Variants in LRRTM4 observed in about 807,000 individuals in gnomAD.
LRRTM4 encodes the protein leucine-rich repeat transmembrane neuronal protein 4.
LRRTM4 carries 25 observed loss-of-function variants against 47.6 expected under a neutral mutation model. The observed-to-expected ratio is 0.53, with a 90% CI of 0.38 to 0.73. The LOEUF is 0.73. Among genes scored for constraint, LRRTM4 ranks in the 30% least tolerant of loss-of-function variants. LRRTM4 has a pLI of 0.00. For synonymous variants in LRRTM4, 311 were observed against 269.5 expected, an observed-to-expected ratio of 1.15 and a Z score of -1.51; for missense variants, 638 against 713.4, an observed-to-expected ratio of 0.89 and a Z score of 1.20.
At chr2:76,914,479 A>T (rs1432959343) in intron 3 of LRRTM4, among the ~76,000 whole-genome samples, 4 of 152,092 alleles carry the variant, frequency 2.6e-5, no homozygotes, top group Admixed American at 2.6e-4. Flanking sequence ...GATGATTTGA[A>T]TGAGTGCATA....
At chr2:76,889,426 G>A (rs964130941) in intron 3 of LRRTM4, among the ~76,000 whole-genome samples, 7 of 151,852 alleles carry the variant, frequency 4.6e-5, no homozygotes, top group South Asian at 2.1e-4. Context: ...TATGTCTTTC[G>A]TTTTCAATGG....
At chr2:76,844,887 GA>G (rs1351344477) in intron 3 of LRRTM4, among the ~76,000 whole-genome samples, 3 of 151,930 alleles carry the variant, frequency 2.0e-5, no homozygotes, top group Non-Finnish European at 4.4e-5. Flanking sequence ...TTCATTTTGA[GA>G]AATGAAAAAA....
At chr2:77,461,695 A>G (rs375714464) in intron 3 of LRRTM4, among the ~76,000 whole-genome samples, 1 of 152,104 alleles carries the variant, frequency 6.6e-6, no homozygotes, top group Non-Finnish European at 1.5e-5. Flanking sequence ...ACTTCTTCAC[A>G]GTTAATTGAA....
At chr2:77,089,052 C>T (rs989911653) in intron 3 of LRRTM4, among the ~76,000 whole-genome samples, 1 of 152,200 alleles carries the variant, frequency 6.6e-6, no homozygotes, top group Admixed American at 6.5e-5. Flanking sequence ...TGCAGGGACA[C>T]CTCTCTGATT....
intron 3 of LRRTM4, among the ~76,000 whole-genome samples, chr2:77,412,256 A>G (rs1021483076): frequency 6.6e-6 from 1 of 152,234 alleles, no homozygotes; most frequent in African/African-American, 2.4e-5. Flanking sequence ...TCGCAGTACA[A>G]TCAAGATTCT....
Position 77,518,747 on chromosome 2 carries a change from C to A in LRRTM4, c.1122G>T (p.Val374=), listed in dbSNP as rs560681114. 78 of 1,613,370 alleles carry A rather than the reference C, an allele frequency of 4.8e-5. 3 individuals carry two copies. The South Asian group carries it at 7.6e-4, about 16-fold the overall frequency. Residue 374 remains valine (V), a synonymous_variant, in exon 3 of 4, where the codon GTG becomes GTT. Coordinates refer to ENST00000409884, the MANE Select transcript of LRRTM4 (RefSeq NM_001134745.3). ...QVVNTERSHL[V]PQTPQKPLII... ...TCAGAGGTTTCTGGGGAGTTTGGGG[C>A]ACCAGGTGTGATCTTTCTGTGTTGA...
chr2:76,941,938 A>T (rs1022779656), intron 3 of LRRTM4, among the ~76,000 whole-genome samples: 1 of 152,176 alleles, frequency 6.6e-6, no homozygotes, highest in Non-Finnish European at 1.5e-5. Context: ...AACAGTGTAA[A>T]ATCATTACTA....
intron 3 of LRRTM4, among the ~76,000 whole-genome samples, chr2:76,780,353 T>C (rs1573089893): frequency 6.6e-6 from 1 of 152,202 alleles, no homozygotes; most frequent in Admixed American, 6.5e-5. Context: ...TCCTGCAGAG[T>C]GTTTTCCAAC....
chr2:77,500,868 G>A (rs948950716), intron 3 of LRRTM4, among the ~76,000 whole-genome samples: 1 of 151,352 alleles, frequency 6.6e-6, no homozygotes, highest in African/African-American at 2.4e-5. Flanking sequence ...TTTATTTACT[G>A]TAATGAGAAA....
At chr2:76,779,910 TTTCCATGTTTAGTGC>T (rs1358608371) in intron 3 of LRRTM4, among the ~76,000 whole-genome samples, 1 of 152,016 alleles carries the variant, frequency 6.6e-6, no homozygotes, top group Non-Finnish European at 1.5e-5. Context: ...CGGTTGTTCC[TTTCCATGTTTAGTGC>T]TTCCTTCAGG....
intron 3 of LRRTM4, chr2:77,517,834 A>C (rs1679274389): frequency 7.1e-6 from 7 of 986,124 alleles, no homozygotes; most frequent in Non-Finnish European, 8.4e-6. Context: ...ATTAAAACTA[A>C]AAATTTACAA....
At chr2:77,244,501 GA>G (rs376135510) in intron 3 of LRRTM4, among the ~76,000 whole-genome samples, 8 of 151,938 alleles carry the variant, frequency 5.3e-5, no homozygotes, top group Admixed American at 4.6e-4. Flanking sequence ...AGAAGAATGG[GA>G]AAAAAATGTT....
chr2:77,034,101 T>C (rs1678756712), intron 3 of LRRTM4, among the ~76,000 whole-genome samples: 1 of 151,736 alleles, frequency 6.6e-6, no homozygotes, highest in Non-Finnish European at 1.5e-5. Context: ...AATCTTAAAA[T>C]AGCATATAAT....
intron 3 of LRRTM4, among the ~76,000 whole-genome samples, chr2:77,314,742 A>C (rs1414098970): frequency 6.6e-6 from 1 of 152,190 alleles, no homozygotes; most frequent in Non-Finnish European, 1.5e-5. Context: ...CAATGGTTTG[A>C]TTTTTCTACT....
At chr2:76,781,636 T>C (rs1385330135) in intron 3 of LRRTM4, among the ~76,000 whole-genome samples, 1 of 152,236 alleles carries the variant, frequency 6.6e-6, no homozygotes, top group Non-Finnish European at 1.5e-5. Context: ...GCGCACCCAC[T>C]GACCTGCGCC....
chr2:77,254,205 C>T (rs183329748), intron 3 of LRRTM4, among the ~76,000 whole-genome samples: 88 of 151,722 alleles, frequency 5.8e-4, no homozygotes, highest in African/African-American at 2.0e-3. Flanking sequence ...ATTCAAATGG[C>T]AGTAAATTTG....
intron 3 of LRRTM4, among the ~76,000 whole-genome samples, chr2:77,173,475 A>T (rs923025759): frequency 6.6e-6 from 1 of 152,126 alleles, no homozygotes; most frequent in Non-Finnish European, 1.5e-5. Flanking sequence ...TCACTTTAAA[A>T]ATGGAAGTTA....
intron 3 of LRRTM4, among the ~76,000 whole-genome samples, chr2:77,046,946 G>A (rs1679255403): frequency 6.6e-6 from 1 of 152,034 alleles, no homozygotes; most frequent in South Asian, 2.1e-4. Context: ...TGTTTTGATT[G>A]CTAACTTGTT....
At chr2:77,065,139 A>G (rs1329386641) in intron 3 of LRRTM4, among the ~76,000 whole-genome samples, 2 of 152,146 alleles carry the variant, frequency 1.3e-5, no homozygotes, top group Non-Finnish European at 2.9e-5. Flanking sequence ...TATTTCATTT[A>G]ATGCTCATCA....
Sources: gnomAD v4.1 joint callset for allele counts (sites outside exome capture counted in the v4.1 genomes callset) on GRCh38, gnomAD v4.1.1 for gene constraint, MANE v1.5 for transcripts, NCBI Gene and HGNC (gene_info 2026-07-23, HGNC 2026-07-21) for gene names.